The following PTPRD variants were observed in gnomAD, a reference collection of about 807,000 sequenced individuals.
The protein encoded by PTPRD is protein tyrosine phosphatase receptor type D, also known as receptor-type tyrosine-protein phosphatase delta.
In PTPRD, 34 loss-of-function variants were observed where a neutral mutation model predicts 214.5. The observed-to-expected ratio is 0.16, with a 90% CI of 0.12 to 0.21. The LOEUF is 0.21. PTPRD is among the 10% of genes least tolerant of loss of function. PTPRD has a pLI of 1.00. For synonymous variants in PTPRD, 1,128 were observed against 845.7 expected, an observed-to-expected ratio of 1.33 and a Z score of -5.79; for missense variants, 2,545 against 2,398.7, an observed-to-expected ratio of 1.06 and a Z score of -1.27.
At chr9:9,566,656 CA>C (rs1259756605) in intron 8 of PTPRD, among the ~76,000 whole-genome samples, 1 of 151,952 alleles carries the variant, frequency 6.6e-6, no homozygotes, top group Non-Finnish European at 1.5e-5. Flanking sequence ...GCACAATTTA[CA>C]AAGATTAAAC....
intron 5 of PTPRD, among the ~76,000 whole-genome samples, chr9:9,874,108 G>T (rs956869575): frequency 7.9e-5 from 12 of 152,034 alleles, no homozygotes; most frequent in Admixed American, 6.6e-5. Context: ...AATAGAGAGT[G>T]GTCTGGATGA....
At chr9:8,649,364 A>G (rs1370702335) in intron 12 of PTPRD, among the ~76,000 whole-genome samples, 1 of 152,234 alleles carries the variant, frequency 6.6e-6, no homozygotes, top group East Asian at 1.9e-4. Context: ...ACAAAAACAT[A>G]GACCATTTCT....
intron 8 of PTPRD, among the ~76,000 whole-genome samples, chr9:9,429,496 T>C (rs1040878898): frequency 6.6e-6 from 1 of 152,166 alleles, no homozygotes; most frequent in Non-Finnish European, 1.5e-5. Context: ...GTACCATTAC[T>C]TATGAAACTA....
Position 10,176,249 on chromosome 9 carries a change from A to T in PTPRD, c.-544-142459T>A, listed in dbSNP as rs150971561. Among the ~76,000 whole-genome samples the T allele has an allele frequency of 4.0e-3, 606 of 151,448 alleles. 5 individuals carry two copies. The highest frequency in any genetic ancestry group is 0.013 in the African/African-American group (554 of 41,380). On this transcript the variant is annotated intron_variant, in intron 3 of 45. Transcript: ENST00000381196. ...TGTACAAGTAACTATTTTTATATAA[A>T]TTTTTTTTCAACTCAAGGTTTTTAA...
At chr9:9,467,079 A>C (rs1211086018) in intron 8 of PTPRD, among the ~76,000 whole-genome samples, 1 of 150,230 alleles carries the variant, frequency 6.7e-6, no homozygotes, top group Non-Finnish European at 1.5e-5. Flanking sequence ...GTATTTCTCA[A>C]TACCTATTTT....
intron 5 of PTPRD, among the ~76,000 whole-genome samples, chr9:9,902,338 G>T (rs1049897551): frequency 2.0e-5 from 3 of 152,088 alleles, no homozygotes; most frequent in Admixed American, 2.0e-4. Context: ...CCAAAGAAAT[G>T]AAGAATTTTA....
intron 2 of PTPRD, among the ~76,000 whole-genome samples, chr9:10,341,774 T>C (rs1264742543): frequency 1.3e-5 from 2 of 152,024 alleles, no homozygotes; most frequent in South Asian, 2.1e-4. Context: ...TTTGTTATTA[T>C]TAAAGGATAT....
chr9:8,721,795 C>T (rs1050433440), intron 12 of PTPRD, among the ~76,000 whole-genome samples: 4 of 152,210 alleles, frequency 2.6e-5, no homozygotes, highest in Non-Finnish European at 4.4e-5. Flanking sequence ...TCCCAATTCG[C>T]ACAGCTGATT....
In PTPRD at chr9:10,596,121, T is replaced by C. The variant is rs190014709; in HGVS notation, c.-600+16277A>G. On this transcript the variant is annotated intron_variant, in intron 2 of 45. Transcript: ENST00000381196. Reference sequence around the variant, plus strand: ...TACAAAAACACATTAAGTTAGATAATAGGATGTCTGTTTCACAGATGAGAA... The same window carrying C: ...TACAAAAACACATTAAGTTAGATAACAGGATGTCTGTTTCACAGATGAGAA... 5.6e-3 allele frequency among the ~76,000 whole-genome samples: 858 copies of C among 151,880 alleles called. 3 individuals carry two copies. The highest frequency in any genetic ancestry group is 7.7e-3 in the Non-Finnish European group (523 of 67,808).
At chr9:8,717,787 G>C (rs1281809018) in intron 12 of PTPRD, among the ~76,000 whole-genome samples, 6 of 152,260 alleles carry the variant, frequency 3.9e-5, no homozygotes, top group Admixed American at 3.9e-4. Context: ...TACCGGACAA[G>C]TTCCAAGATC....
chr9:8,472,045 A>C (rs982954955), intron 30 of PTPRD, among the ~76,000 whole-genome samples: 1 of 152,132 alleles, frequency 6.6e-6, no homozygotes, highest in Non-Finnish European at 1.5e-5. Flanking sequence ...TCTCTGAGCA[A>C]AGCCTAGGTA....
chr9:9,770,902 G>C (rs1194486586), intron 5 of PTPRD, among the ~76,000 whole-genome samples: 2 of 152,142 alleles, frequency 1.3e-5, no homozygotes, highest in African/African-American at 4.8e-5. Flanking sequence ...TGCTTTAAAA[G>C]AGAGGTCTAT....
At chr9:9,492,344 T>G in intron 8 of PTPRD, among the ~76,000 whole-genome samples, 1 of 125,952 alleles carries the variant, frequency 7.9e-6, no homozygotes, top group African/African-American at 2.9e-5. Context: ...AAAAAAAAAC[T>G]AACATAAATT....
At chr9:10,100,125 C>A (rs1396674870) in intron 3 of PTPRD, among the ~76,000 whole-genome samples, 1 of 151,624 alleles carries the variant, frequency 6.6e-6, no homozygotes, top group East Asian at 1.9e-4. Context: ...ACCTAGTTTA[C>A]ACCAAGTATT....
chr9:8,952,600 T>C (rs1054180811), intron 11 of PTPRD, among the ~76,000 whole-genome samples: 5 of 151,820 alleles, frequency 3.3e-5, no homozygotes, highest in Admixed American at 6.6e-5. Context: ...AAGATGGAGA[T>C]TCTATAATCC....
intron 6 of PTPRD, among the ~76,000 whole-genome samples, chr9:9,760,874 G>A (rs2098649051): frequency 1.3e-5 from 2 of 152,008 alleles, no homozygotes; most frequent in Non-Finnish European, 2.9e-5. Context: ...CTATCAGAAT[G>A]GCTAAAATAA....
At chr9:9,258,998 T>C (rs1470705426) in intron 9 of PTPRD, among the ~76,000 whole-genome samples, 1 of 151,788 alleles carries the variant, frequency 6.6e-6, no homozygotes, top group Non-Finnish European at 1.5e-5. Flanking sequence ...TTGTGGTGGG[T>C]AGGAAAAAGG....
intron 11 of PTPRD, among the ~76,000 whole-genome samples, chr9:8,853,869 T>C (rs766459371): frequency 1.3e-5 from 2 of 152,088 alleles, no homozygotes; most frequent in Non-Finnish European, 2.9e-5. Context: ...TCAAAGAAAC[T>C]GAACAGTAGA....
At chr9:9,279,826 T>A (rs1234066923) in intron 9 of PTPRD, among the ~76,000 whole-genome samples, 7 of 151,308 alleles carry the variant, frequency 4.6e-5, no homozygotes, top group African/African-American at 1.7e-4. Flanking sequence ...CCAACTTTTT[T>A]ATTTTAAAAC....
Sources: allele counts gnomAD v4.1 joint callset (sites outside exome capture counted in the v4.1 genomes callset), GRCh38; gene constraint gnomAD v4.1.1; transcripts MANE v1.5; gene names NCBI Gene and HGNC (gene_info 2026-07-23, HGNC 2026-07-21).